The following ANK2 variants were observed in gnomAD, a reference collection of about 807,000 sequenced individuals.
ANK2 encodes ankyrin-2.
ANK2 carries 83 observed loss-of-function variants against 360.5 expected under a neutral mutation model. That is an observed-to-expected ratio of 0.23 (90% confidence interval 0.19 to 0.28). The LOEUF (loss-of-function observed/expected upper bound fraction) is 0.28. Ranked by LOEUF, ANK2 falls within the 10% of genes least tolerant of loss-of-function variation. The pLI is 1.00. For synonymous variants in ANK2, 1,740 were observed against 1,759.5 expected (o/e 0.99, Z 0.28); for missense variants, 4,201 against 4,795.7 (o/e 0.88, Z 3.66).
chr4:113,052,701 A>C (rs528871108), intron 1 of ANK2, among the ~76,000 whole-genome samples: 1 of 152,170 alleles, frequency 6.6e-6, no homozygotes, highest in Non-Finnish European at 1.5e-5. Flanking sequence ...CAGAAACCAC[A>C]AGGAGTACAC....
chr4:113,075,389 G>A (rs2079494970), intron 1 of ANK2, among the ~76,000 whole-genome samples: 1 of 152,248 alleles, frequency 6.6e-6, no homozygotes, highest in East Asian at 1.9e-4. Context: ...GTTCTCTCCA[G>A]TTCCAGTCTT....
chr4:112,734,338 ATAT>A, the ANK2 span, among the ~76,000 whole-genome samples: 1 of 152,214 alleles, frequency 6.6e-6, no homozygotes, highest in Non-Finnish European at 1.5e-5. Flanking sequence ...AGTGCTGAAA[ATAT>A]TATCTTTAGC....
intron 1 of ANK2, among the ~76,000 whole-genome samples, chr4:113,097,848 G>GCA (rs779335150): frequency 0.022 from 1,608 of 73,684 alleles, 20 homozygotes; most frequent in African/African-American, 0.04. Context: ...ATATGTGTGT[G>GCA]TGTGTGTGTG....
At chr4:113,125,236 C>A (rs1017438331) in intron 1 of ANK2, among the ~76,000 whole-genome samples, 1 of 151,722 alleles carries the variant, frequency 6.6e-6, no homozygotes, top group African/African-American at 2.4e-5. Context: ...TATTTTTTAG[C>A]GAAAAAACTT....
chr4:112,890,943 T>C (rs1580621315), intron 1 of ANK2, among the ~76,000 whole-genome samples: 4 of 152,330 alleles, frequency 2.6e-5, no homozygotes, highest in Admixed American at 2.6e-4. Context: ...GAACTCCTTT[T>C]CATTTACAGT....
chr4:113,111,660 T>G (rs1236697413), intron 1 of ANK2, among the ~76,000 whole-genome samples: 2 of 152,140 alleles, frequency 1.3e-5, no homozygotes, highest in Non-Finnish European at 2.9e-5. Context: ...AATCCTTTAA[T>G]AGACTATGAG....
intron 1 of ANK2, among the ~76,000 whole-genome samples, chr4:113,173,593 G>A (rs2098078340): frequency 6.6e-6 from 1 of 152,132 alleles, no homozygotes; most frequent in Admixed American, 6.5e-5. Context: ...AAGCCAGGGG[G>A]CCGTGTGATT....
In ANK2 at chr4:113,357,465, T is replaced by C; in HGVS notation, c.8847T>C (p.Asn2949=). 6.2e-7 allele frequency: 1 copy of C among 1,614,076 alleles called. No homozygotes were observed. The highest frequency in any genetic ancestry group is 8.5e-7 in the Non-Finnish European group (1 of 1,179,982). The change falls in exon 38 of 46, where the codon AAT becomes AAC. Residue 2949 remains asparagine (N), a synonymous_variant. Transcript: ENST00000357077. ...AAAGCAAAACCCAAACAGATGCAAA[T>C]CACACCACAAGTTTTCACTCTTCTG... ...SEESKTQTDA[N]HTTSFHSSEV...
At chr4:113,233,323 G>T (rs1465990880) in intron 5 of ANK2, among the ~76,000 whole-genome samples, 2 of 150,212 alleles carry the variant, frequency 1.3e-5, no homozygotes. Flanking sequence ...TTTTAGTAGA[G>T]ACGGGGTTTC....
chr4:113,349,959 C>T (rs1181662090), intron 36 of ANK2, among the ~76,000 whole-genome samples: 5 of 152,036 alleles, frequency 3.3e-5, no homozygotes, highest in Non-Finnish European at 7.4e-5. Flanking sequence ...ATTCCAACAT[C>T]AAAACCAGCC....
chr4:113,020,650 A>C (rs1336205104), intron 2 of ANK2, among the ~76,000 whole-genome samples: 1 of 152,130 alleles, frequency 6.6e-6, no homozygotes, highest in African/African-American at 2.4e-5. Context: ...AAACATGGTG[A>C]AACCCCGTCT....
chr4:112,959,587 G>A (rs978249926), intron 2 of ANK2, among the ~76,000 whole-genome samples: 1 of 152,134 alleles, frequency 6.6e-6, no homozygotes, highest in Non-Finnish European at 1.5e-5. Context: ...TAATATAATA[G>A]TTTATTTTAC....
intron 33 of ANK2, among the ~76,000 whole-genome samples, chr4:113,342,172 T>C (rs2094370982): frequency 6.6e-6 from 1 of 152,218 alleles, no homozygotes; most frequent in South Asian, 2.1e-4. Flanking sequence ...TTATGAGTTA[T>C]TGATAAACTC....
chr4:113,090,657 A>C (rs2154353153), intron 1 of ANK2, among the ~76,000 whole-genome samples: 1 of 152,338 alleles, frequency 6.6e-6, no homozygotes, highest in Admixed American at 6.5e-5. Flanking sequence ...AGCTCACATT[A>C]TGTTTTAAAA....
intron 1 of ANK2, among the ~76,000 whole-genome samples, chr4:112,896,702 A>G (rs935515971): frequency 4.6e-5 from 7 of 152,126 alleles, no homozygotes; most frequent in Admixed American, 2.0e-4. Context: ...GCTGGTTTGG[A>G]TAAACACTGT....
chr4:113,289,429 G>A (rs11943679), intron 20 of ANK2, among the ~76,000 whole-genome samples: 9,169 of 151,768 alleles, frequency 0.06, 915 homozygotes, highest in African/African-American at 0.21. Flanking sequence ...GGCTGGTCTC[G>A]AACTCCTGGG....
chr4:113,109,851 G>A (rs998135383), intron 1 of ANK2, among the ~76,000 whole-genome samples: 6 of 152,142 alleles, frequency 3.9e-5, no homozygotes, highest in African/African-American at 1.4e-4. Context: ...CAGGTGCTTA[G>A]TGTTTTGGTT....
chr4:113,135,083 T>C (rs1303434372), intron 1 of ANK2, among the ~76,000 whole-genome samples: 1 of 152,208 alleles, frequency 6.6e-6, no homozygotes, highest in Non-Finnish European at 1.5e-5. Context: ...TGAACACAAG[T>C]AGAAAATGCA....
chr4:113,291,315 G>T (rs573729948), intron 20 of ANK2, among the ~76,000 whole-genome samples: 2 of 152,294 alleles, frequency 1.3e-5, no homozygotes, highest in South Asian at 2.1e-4. Flanking sequence ...TGATTTGACC[G>T]CAGAGTCCCT....
Sources: gnomAD v4.1 joint callset for allele counts (sites outside exome capture counted in the v4.1 genomes callset) on GRCh38, gnomAD v4.1.1 for gene constraint, MANE v1.5 for transcripts, NCBI Gene and HGNC (gene_info 2026-07-23, HGNC 2026-07-21) for gene names.